NAALADL2: variants seen among roughly 807,000 people sequenced by gnomAD.
NAALADL2 encodes inactive N-acetylated-alpha-linked acidic dipeptidase-like protein 2.
A neutral mutation model predicts 87.2 loss-of-function variants in NAALADL2; 76 were observed. That is an observed-to-expected ratio of 0.87 (90% CI 0.72 to 1.05). NAALADL2 has a LOEUF of 1.05. NAALADL2 is among the 50% of genes least tolerant of loss of function. The probability of loss-of-function intolerance (pLI) is 0.00; values close to 1 mark genes in which losing one functional copy is unlikely to be tolerated. For missense variants in NAALADL2, 1,089 were observed against 945.8 expected (o/e 1.15, Z -1.99); for synonymous variants, 354 against 331.0 (o/e 1.07, Z -0.75).
At chr3:175,046,762 T>C (rs1227809920) in intron 1 of NAALADL2, among the ~76,000 whole-genome samples, 2 of 152,216 alleles carry the variant, frequency 1.3e-5, no homozygotes, top group South Asian at 2.1e-4. Flanking sequence ...AGCATTTTAA[T>C]GTGCTGTTTT....
At chr3:175,526,833 T>C (rs1733482943) in intron 9 of NAALADL2, among the ~76,000 whole-genome samples, 1 of 152,154 alleles carries the variant, frequency 6.6e-6, no homozygotes, top group South Asian at 2.1e-4. Flanking sequence ...CACTTTTAGG[T>C]GAAAGTGTTT....
chr3:174,747,746 CTG>C (rs1734407307), intron 3 of NAALADL2, among the ~76,000 whole-genome samples: 1 of 151,446 alleles, frequency 6.6e-6, no homozygotes, highest in African/African-American at 2.4e-5. Flanking sequence ...GTGGAAGACA[CTG>C]TGGTGATTCC....
intron 1 of NAALADL2, among the ~76,000 whole-genome samples, chr3:175,070,288 A>T (rs373806634): frequency 0.11 from 16,778 of 151,826 alleles, 1,050 homozygotes; most frequent in East Asian, 0.21. Flanking sequence ...ATAAATTTTT[A>T]TTTTTAGGAT....
intron 2 of NAALADL2, among the ~76,000 whole-genome samples, chr3:174,671,960 T>TGATGATGATGAC (rs1578496067): frequency 6.6e-6 from 1 of 151,094 alleles, no homozygotes; most frequent in South Asian, 2.1e-4. Flanking sequence ...ATGATGATGA[T>TGATGATGATGAC]GACAGTGGTG....
At chr3:174,940,639 G>A (rs972144516) in intron 1 of NAALADL2, among the ~76,000 whole-genome samples, 1 of 151,962 alleles carries the variant, frequency 6.6e-6, no homozygotes, top group African/African-American at 2.4e-5. Flanking sequence ...AGTCCATCAG[G>A]TTCTGAGCAT....
chr3:174,703,541 C>G (rs1430565417), intron 2 of NAALADL2, among the ~76,000 whole-genome samples: 1 of 152,032 alleles, frequency 6.6e-6, no homozygotes, highest in Non-Finnish European at 1.5e-5. Flanking sequence ...GGGTCGTCAT[C>G]TTATTTCAGA....
chr3:175,397,608 C>A (rs1192736738), intron 5 of NAALADL2, among the ~76,000 whole-genome samples: 1 of 152,108 alleles, frequency 6.6e-6, no homozygotes, highest in African/African-American at 2.4e-5. Context: ...GGACAAGTCC[C>A]TTCTTATTCT....
intron 1 of NAALADL2, among the ~76,000 whole-genome samples, chr3:175,012,531 T>C (rs183356766): frequency 6.6e-6 from 1 of 152,278 alleles, no homozygotes; most frequent in East Asian, 1.9e-4. Flanking sequence ...GTTACTATCT[T>C]CAGTAAAATA....
chr3:175,096,261 T>G (rs28397151), intron 1 of NAALADL2, among the ~76,000 whole-genome samples: 60,577 of 151,904 alleles, frequency 0.4, 12,487 homozygotes, highest in Non-Finnish European at 0.46. Context: ...CTGCCTATTT[T>G]TATAATGAAT....
intron 9 of NAALADL2, among the ~76,000 whole-genome samples, chr3:175,525,457 G>A (rs539530755): frequency 8.8e-4 from 134 of 152,220 alleles, no homozygotes; most frequent in African/African-American, 2.9e-3. Flanking sequence ...GGGAATTAAC[G>A]TAGTTTTATA....
intron 5 of NAALADL2, among the ~76,000 whole-genome samples, chr3:175,390,894 A>C (rs1045290830): frequency 2.0e-5 from 3 of 152,138 alleles, no homozygotes; most frequent in African/African-American, 7.2e-5. Flanking sequence ...TTCAATCTGC[A>C]CCTGTACTAA....
chr3:175,007,925 T>C (rs893173325), intron 1 of NAALADL2, among the ~76,000 whole-genome samples: 6 of 152,222 alleles, frequency 3.9e-5, no homozygotes, highest in Non-Finnish European at 7.4e-5. Context: ...ACAGCCACCA[T>C]CGATCTGATA....
intron 4 of NAALADL2, among the ~76,000 whole-genome samples, chr3:175,279,899 A>T (rs115091762): frequency 2.7e-3 from 404 of 151,958 alleles, no homozygotes; most frequent in African/African-American, 9.3e-3. Context: ...TGAATAGATA[A>T]GCACTTCCCT....
chr3:175,120,676 G>C (rs768535374), intron 2 of NAALADL2, among the ~76,000 whole-genome samples: 5 of 151,812 alleles, frequency 3.3e-5, no homozygotes, highest in Middle Eastern at 3.2e-3. Flanking sequence ...GCTATGTCTA[G>C]ATGATTGTAA....
chr3:174,460,781 A>C (rs539890626), intron 1 of NAALADL2, among the ~76,000 whole-genome samples: 1 of 152,066 alleles, frequency 6.6e-6, no homozygotes, highest in Non-Finnish European at 1.5e-5. Context: ...GTTTGCAAAA[A>C]TATTAAAATT....
chr3:175,099,573 C>G (rs895424185), intron 2 of NAALADL2, among the ~76,000 whole-genome samples: 1 of 152,158 alleles, frequency 6.6e-6, no homozygotes, highest in African/African-American at 2.4e-5. Context: ...GTTTACTGAG[C>G]CATCTCAGCC....
intron 11 of NAALADL2, among the ~76,000 whole-genome samples, chr3:175,703,147 CAT>C (rs1688993037): frequency 6.6e-6 from 1 of 152,150 alleles, no homozygotes. Flanking sequence ...CACTGGCACT[CAT>C]AGAATTTCTC....
intron 11 of NAALADL2, among the ~76,000 whole-genome samples, chr3:175,712,658 G>A (rs147618434): frequency 6.6e-5 from 10 of 152,150 alleles, no homozygotes; most frequent in African/African-American, 2.4e-4. Context: ...CTTCCATCAT[G>A]TATAGATGCA....
intron 2 of NAALADL2, among the ~76,000 whole-genome samples, chr3:174,661,550 CTTCT>C (rs1480401812): frequency 6.6e-6 from 1 of 151,980 alleles, no homozygotes; most frequent in Non-Finnish European, 1.5e-5. Context: ...GCTTCTTCTT[CTTCT>C]TTCTTCTTTC....
Sources: allele counts gnomAD v4.1 joint callset (sites outside exome capture counted in the v4.1 genomes callset), GRCh38; gene constraint gnomAD v4.1.1; transcripts MANE v1.5; gene names NCBI Gene and HGNC (gene_info 2026-07-23, HGNC 2026-07-21).